EYA1: variants seen among roughly 807,000 people sequenced by gnomAD.
The protein encoded by EYA1 is EYA transcriptional coactivator and phosphatase 1.
EYA1 carries 16 observed loss-of-function variants against 82.0 expected under a neutral mutation model. The observed-to-expected ratio is 0.20, with a 90% CI of 0.13 to 0.30. The LOEUF (loss-of-function observed/expected upper bound fraction) is 0.30, where lower values mean the gene tolerates loss of function less well. EYA1 is among the 10% of genes least tolerant of loss of function. The pLI is 1.00. For missense variants in EYA1, 633 were observed against 730.7 expected (o/e 0.87, Z 1.54); for synonymous variants, 261 against 264.4 (o/e 0.99, Z 0.12).
Position 71,239,823 on chromosome 8 carries a change from A to T in EYA1, c.1140+4780T>A, listed in dbSNP as rs1184119842. On this transcript the variant is annotated intron_variant, in intron 12 of 17. Coordinates refer to ENST00000340726, the MANE Select transcript of EYA1 (RefSeq NM_000503.6). ...GAGCATCAGAGTTTCTTCTTTATTT[A>T]TAGAGAATAAAGGACTTTCTAGGTG... Among the ~76,000 whole-genome samples the T allele has an allele frequency of 3.3e-5, 5 of 152,288 alleles. No homozygotes were observed. In the East Asian group the frequency reaches 7.7e-4, roughly 24 times the overall value.
intron 2 of EYA1, among the ~76,000 whole-genome samples, chr8:71,509,159 G>A (rs1052177354): frequency 2.0e-5 from 3 of 152,042 alleles, no homozygotes; most frequent in South Asian, 2.1e-4. Context: ...AGCCCAAGAC[G>A]TTGAGGCTGC....
intron 11 of EYA1, among the ~76,000 whole-genome samples, chr8:71,249,355 C>G (rs576467339): frequency 2.0e-5 from 3 of 152,214 alleles, no homozygotes; most frequent in South Asian, 2.1e-4. Context: ...TTCAGCATGG[C>G]TGGGGAGGCC....
intron 2 of EYA1, among the ~76,000 whole-genome samples, chr8:71,395,527 T>C (rs1306081552): frequency 6.6e-6 from 1 of 152,204 alleles, no homozygotes. Flanking sequence ...GTCAAAGGCC[T>C]TTTCTGCATC....
intron 2 of EYA1, among the ~76,000 whole-genome samples, chr8:71,479,387 T>C (rs13258829): frequency 0.15 from 23,377 of 152,160 alleles, 2,036 homozygotes; most frequent in Non-Finnish European, 0.2. Flanking sequence ...CCTAGTCTTC[T>C]TACTCTGCTC....
At chr8:71,453,278 C>A (rs1041386814) in intron 2 of EYA1, among the ~76,000 whole-genome samples, 1 of 152,144 alleles carries the variant, frequency 6.6e-6, no homozygotes, top group Non-Finnish European at 1.5e-5. Flanking sequence ...TGTGAAAACA[C>A]CAACTCTACG....
chr8:71,438,779 C>T (rs1215649399), intron 2 of EYA1, among the ~76,000 whole-genome samples: 1 of 152,142 alleles, frequency 6.6e-6, no homozygotes, highest in Admixed American at 6.6e-5. Flanking sequence ...TCCAGGCAGA[C>T]AGAGAAGATC....
At chr8:71,424,889 T>C (rs1329729100) in intron 2 of EYA1, among the ~76,000 whole-genome samples, 4 of 151,972 alleles carry the variant, frequency 2.6e-5, no homozygotes, top group African/African-American at 9.7e-5. Flanking sequence ...TCACCAGATC[T>C]CTTCAAGAAA....
intron 16 of EYA1, 114 bp from the exon 17 acceptor site, chr8:71,211,370 A>G: frequency 1.4e-6 from 1 of 718,142 alleles, no homozygotes; most frequent in Non-Finnish European, 2.5e-6. Flanking sequence ...ATGCCCCACT[A>G]GTACCTCTAA....
chr8:71,346,239 G>C (rs1471771128), intron 3 of EYA1, among the ~76,000 whole-genome samples: 2 of 151,924 alleles, frequency 1.3e-5, no homozygotes, highest in Non-Finnish European at 2.9e-5. Flanking sequence ...TTATCTTAAA[G>C]TATGGTGGTA....
chr8:71,436,479 A>G (rs1806022072), intron 2 of EYA1, among the ~76,000 whole-genome samples: 1 of 152,158 alleles, frequency 6.6e-6, no homozygotes, highest in South Asian at 2.1e-4. Flanking sequence ...TGCACACAAT[A>G]AAAGAAAGCA....
intron 11 of EYA1, among the ~76,000 whole-genome samples, chr8:71,261,120 C>T (rs1441946698): frequency 6.6e-6 from 1 of 151,924 alleles, no homozygotes; most frequent in Non-Finnish European, 1.5e-5. Flanking sequence ...AAATTAGCTT[C>T]CTATCTTGAA....
chr8:71,440,242 C>T (rs1225845693), intron 2 of EYA1, among the ~76,000 whole-genome samples: 3 of 152,184 alleles, frequency 2.0e-5, no homozygotes, highest in East Asian at 3.9e-4. Flanking sequence ...GCTAAGCTAA[C>T]GAGTTTGAGT....
At chr8:71,403,513 G>A (rs982906647) in intron 2 of EYA1, 3 of 152,114 alleles carry the variant, frequency 2.0e-5, no homozygotes, top group Non-Finnish European at 2.9e-5. Flanking sequence ...ACCAAAACTC[G>A]GACTTGAGAT....
chr8:71,453,860 A>C (rs1807623970), intron 2 of EYA1, among the ~76,000 whole-genome samples: 1 of 152,230 alleles, frequency 6.6e-6, no homozygotes, highest in Non-Finnish European at 1.5e-5. Context: ...AAGCTGCATC[A>C]ACTAATGAGC....
At chr8:71,458,195 G>A (rs559922784) in intron 2 of EYA1, among the ~76,000 whole-genome samples, 29 of 152,148 alleles carry the variant, frequency 1.9e-4, no homozygotes, top group African/African-American at 6.3e-4. Context: ...TGGAGTCACC[G>A]AAGAACTTTA....
intron 4 of EYA1, among the ~76,000 whole-genome samples, chr8:71,327,665 A>T (rs1266509883): frequency 1.3e-5 from 2 of 152,018 alleles, no homozygotes; most frequent in African/African-American, 2.4e-5. Flanking sequence ...CCACGCCAAG[A>T]TCCCTGAGGG....
At chr8:71,213,899 T>C (rs557684819) in intron 16 of EYA1, among the ~76,000 whole-genome samples, 2 of 152,226 alleles carry the variant, frequency 1.3e-5, no homozygotes, top group African/African-American at 4.8e-5. Flanking sequence ...TCTACATTTA[T>C]TGATACCTAC....
At chr8:71,273,672 C>A (rs561798144) in intron 9 of EYA1, among the ~76,000 whole-genome samples, 166 of 152,350 alleles carry the variant, frequency 1.1e-3, no homozygotes, top group Non-Finnish European at 1.7e-3. Context: ...AAACACACAT[C>A]AATCTCTAAT....
intron 12 of EYA1, among the ~76,000 whole-genome samples, chr8:71,238,665 CTTCATTT>C (rs1314464127): frequency 6.6e-6 from 1 of 151,832 alleles, no homozygotes; most frequent in Non-Finnish European, 1.5e-5. Flanking sequence ...TTCTATATTT[CTTCATTT>C]TTCTGAAGGC....
Sources: allele counts gnomAD v4.1 joint callset (sites outside exome capture counted in the v4.1 genomes callset), GRCh38; gene constraint gnomAD v4.1.1; transcripts MANE v1.5; gene names NCBI Gene and HGNC (gene_info 2026-07-23, HGNC 2026-07-21).